The following MYRFL variants were observed in gnomAD, a reference collection of about 807,000 sequenced individuals.
MYRFL encodes myelin regulatory factor like.
MYRFL carries 88 observed loss-of-function variants against 109.4 expected under a neutral mutation model. That is an observed-to-expected ratio of 0.80 (90% CI 0.68 to 0.96). MYRFL has a LOEUF of 0.96. Among genes scored for constraint, MYRFL ranks in the 40% least tolerant of loss-of-function variants. The pLI is 0.00. For missense variants in MYRFL, 957 were observed against 954.9 expected, an observed-to-expected ratio of 1.00 and a Z score of -0.03; for synonymous variants, 324 against 320.9, an observed-to-expected ratio of 1.01 and a Z score of -0.10.
chr12:69,946,456 G>T (rs1955842092), intron 19 of MYRFL: 1 of 137,192 alleles, frequency 7.3e-6, no homozygotes, highest in Non-Finnish European at 1.7e-5. Context: ...AGCTACGCAA[G>T]TGGCACCTGA....
intron 1 of MYRFL, among the ~76,000 whole-genome samples, chr12:69,840,145 T>C (rs1883162702): frequency 6.6e-6 from 1 of 152,242 alleles, no homozygotes; most frequent in Admixed American, 6.5e-5. Context: ...AAGTCAGCTA[T>C]GAATGCAATC....
At chr12:69,942,474 A>C (rs202138689) in intron 19 of MYRFL, among the ~76,000 whole-genome samples, 2 of 151,128 alleles carry the variant, frequency 1.3e-5, no homozygotes, top group African/African-American at 4.9e-5. Context: ...GGCCTTTGAC[A>C]AAATTCAACA....
chr12:69,928,353 C>G (rs1955163999), intron 15 of MYRFL, among the ~76,000 whole-genome samples: 1 of 152,186 alleles, frequency 6.6e-6, no homozygotes, highest in Non-Finnish European at 1.5e-5. Context: ...TGCAATACAC[C>G]CTTTCTAGCA....
chr12:69,956,089 G>A (rs745380120), intron 22 of MYRFL, among the ~76,000 whole-genome samples: 1 of 151,670 alleles, frequency 6.6e-6, no homozygotes, highest in Non-Finnish European at 1.5e-5. Context: ...CTTTAATACT[G>A]GGTCATAAAA....
rs192168503 is a variant in MYRFL at position 69,869,224 on chromosome 12, C to T, written c.138-9804C>T. ...GGTACAGTCTGCCCTGGCAGGGCAC[C>T]CAGGCATTTTTCTTAGAATTGGTGA... On this transcript the variant is annotated intron_variant, in intron 2 of 24. Transcript: ENST00000552032. Among the ~76,000 whole-genome samples, 315 of 152,280 alleles carry T rather than the reference C, an allele frequency of 2.1e-3. 4 individuals carry two copies. Among genetic ancestry groups the T allele is most frequent in the African/African-American group, 7.4e-3 (308 of 41,554 alleles).
chr12:69,854,543 C>G (rs1884154319), intron 1 of MYRFL, among the ~76,000 whole-genome samples: 1 of 151,994 alleles, frequency 6.6e-6, no homozygotes, highest in Non-Finnish European at 1.5e-5. Flanking sequence ...GCCACCATGT[C>G]TGGCTAATTT....
In MYRFL at chr12:69,893,715, A is replaced by T. The variant is rs760223962; in HGVS notation, c.904-49A>T. The T allele has an allele frequency of 3.4e-6, 4 of 1,164,532 alleles. No individual in the cohort carries two copies. The African/African-American group carries it at 6.4e-5, about 19-fold the overall frequency. The allele number at this position is 1,164,532 out of a possible 1,614,324, so 72.1% of individuals were successfully genotyped here. ...GTACTTGAACATTCTTTGCTGATTA[A>T]CATTTTAATTAATTAATTAATTAGT... On this transcript the variant is annotated intron_variant, in intron 7 of 24. Coordinates refer to ENST00000552032, the MANE Select transcript of MYRFL (RefSeq NM_182530.3).
intron 16 of MYRFL, among the ~76,000 whole-genome samples, chr12:69,935,063 ACTCT>A (rs1383853157): frequency 2.0e-5 from 3 of 151,750 alleles, no homozygotes; most frequent in Non-Finnish European, 2.9e-5. Flanking sequence ...GACACTATAA[ACTCT>A]CTCTGACAGC....
intron 1 of MYRFL, among the ~76,000 whole-genome samples, chr12:69,854,114 G>A (rs1884107632): frequency 6.6e-6 from 1 of 152,230 alleles, no homozygotes; most frequent in African/African-American, 2.4e-5. Context: ...GGAGGCCGAG[G>A]CGGGCAGATC....
In MYRFL at chr12:69,936,608, G is replaced by C. The variant is rs1288201795; in HGVS notation, c.2200G>C (p.Glu734Gln). The C allele has an allele frequency of 2.0e-6, 3 of 1,530,654 alleles. No homozygotes were observed. Among genetic ancestry groups the C allele is most frequent in the Non-Finnish European group, 2.6e-6 (3 of 1,143,372 alleles). 94.8% of individuals were successfully genotyped at this position (1,530,654 alleles called of 1,614,324 possible). A position where few individuals can be genotyped will look rare whatever the true frequency, so the allele number is the denominator to read the frequency against. ...SPVQRQSEEKEFHQRRWSEDK... is the reference protein window; with the variant it reads ...SPVQRQSEEKQFHQRRWSEDK... Reference sequence around the variant, plus strand: ...TGTGCAAAGACAATCTGAGGAGAAGGAATTCCATCAGAGGCGATGGTCAGG... The same window carrying C: ...TGTGCAAAGACAATCTGAGGAGAAGCAATTCCATCAGAGGCGATGGTCAGG... The change falls in exon 19 of 25, where the codon GAA (glutamate) becomes CAA (glutamine). Residue 734 changes from glutamate to glutamine, a missense_variant. By Grantham distance (29) the Glu-to-Gln change is conservative. Coordinates refer to ENST00000552032, the MANE Select transcript of MYRFL (RefSeq NM_182530.3).
At chr12:69,945,814 C>T (rs1466563909) in intron 19 of MYRFL, among the ~76,000 whole-genome samples, 22 of 149,606 alleles carry the variant, frequency 1.5e-4, no homozygotes, top group Non-Finnish European at 2.8e-4. Flanking sequence ...GGTGAAACCC[C>T]GTCTCTACTA....
chr12:69,826,699 A>G (rs764625054), intron 1 of MYRFL, among the ~76,000 whole-genome samples: 1 of 152,092 alleles, frequency 6.6e-6, no homozygotes, highest in Non-Finnish European at 1.5e-5. Context: ...ATTATTATAA[A>G]AGTATTTGTC....
At chr12:69,901,788 A>G (rs542277929) in intron 10 of MYRFL, among the ~76,000 whole-genome samples, 25 of 152,292 alleles carry the variant, frequency 1.6e-4, no homozygotes, top group African/African-American at 5.5e-4. Flanking sequence ...CTCTTTGTTC[A>G]AGTAAATTTA....
chr12:69,832,785 G>A (rs1358158340), intron 1 of MYRFL, among the ~76,000 whole-genome samples: 1 of 152,076 alleles, frequency 6.6e-6, no homozygotes, highest in Admixed American at 6.6e-5. Flanking sequence ...TATTCTCAGT[G>A]TGGAGAGTTT....
intron 1 of MYRFL, among the ~76,000 whole-genome samples, chr12:69,831,436 A>G (rs1882628233): frequency 1.3e-5 from 2 of 152,168 alleles, no homozygotes; most frequent in African/African-American, 2.4e-5. Context: ...ACTGTTGTCA[A>G]GCACTTACTA....
intron 11 of MYRFL, among the ~76,000 whole-genome samples, chr12:69,907,055 G>A (rs942634028): frequency 2.0e-5 from 3 of 152,180 alleles, no homozygotes; most frequent in Admixed American, 6.5e-5. Context: ...GTGCTGGCCT[G>A]GGTAGGGTTC....
Position 69,939,756 on chromosome 12 carries a change from G to C in MYRFL, c.2224+3124G>C, listed in dbSNP as rs1381952429. Among the ~76,000 whole-genome samples, 21 of 151,504 alleles carry C rather than the reference G, an allele frequency of 1.4e-4. 1 individual carries two copies. ...GATCAAATTACTCTGAGCTACGGGAGGACATTCAAACCAAAGGCAAAGAAG... is the reference window on the plus strand; with the variant it reads ...GATCAAATTACTCTGAGCTACGGGACGACATTCAAACCAAAGGCAAAGAAG... On this transcript the variant is annotated intron_variant, in intron 19 of 24. Transcript: ENST00000552032.
intron 2 of MYRFL, among the ~76,000 whole-genome samples, chr12:69,871,495 G>A (rs78280361): frequency 0.038 from 5,821 of 152,218 alleles, 141 homozygotes; most frequent in East Asian, 0.11. Flanking sequence ...GCCTCCCAAA[G>A]TGCTGGGATT....
intron 20 of MYRFL, 125 bp downstream of exon 20, chr12:69,952,300 C>G (rs1955997407): frequency 1.2e-6 from 1 of 806,382 alleles, no homozygotes. Context: ...CACGCATATC[C>G]ATGGGACTGT....
Sources: allele counts gnomAD v4.1 joint callset (sites outside exome capture counted in the v4.1 genomes callset), GRCh38; gene constraint gnomAD v4.1.1; transcripts MANE v1.5; gene names NCBI Gene and HGNC (gene_info 2026-07-23, HGNC 2026-07-21).